GRM7: variants seen among roughly 807,000 people sequenced by gnomAD.
GRM7 encodes metabotropic glutamate receptor 7.
Under a neutral mutation model 84.5 loss-of-function variants are expected in GRM7, and 35 were observed. The ratio of observed to expected loss-of-function variants is 0.41; its 90% CI spans 0.32 to 0.55. The LOEUF (loss-of-function observed/expected upper bound fraction) is 0.55. Ranked by LOEUF, GRM7 falls within the 20% of genes least tolerant of loss-of-function variation. GRM7 has a pLI of 0.19. For synonymous variants in GRM7, 487 were observed against 455.1 expected (o/e 1.07, Z -0.89); for missense variants, 1,003 against 1,194.6 (o/e 0.84, Z 2.36).
Position 7,695,256 on chromosome 3 carries a change from A to ACAT in GRM7, c.2698+14962_2698+14964dup, listed in dbSNP as rs1419745268. Among the ~76,000 whole-genome samples, 9 of 152,262 alleles carry ACAT rather than the reference A, an allele frequency of 5.9e-5. No homozygotes were observed. The East Asian group carries it at 1.7e-3, about 29-fold the overall frequency. On this transcript the variant is annotated intron_variant, in intron 9 of 9. Transcript: ENST00000357716. ...TGAGCTCTGTTACTGGAGCAGAAAA[A>ACAT]CATAGCATCACCTTTGTTTAAAGCT...
At chr3:6,940,580 A>ATT (rs78289642) in intron 1 of GRM7, among the ~76,000 whole-genome samples, 53 of 152,140 alleles carry the variant, frequency 3.5e-4, no homozygotes, top group Non-Finnish European at 6.2e-4. Flanking sequence ...TTACAAGTTC[A>ATT]TTTTTTAAAA....
intron 1 of GRM7, among the ~76,000 whole-genome samples, chr3:6,891,710 G>C (rs368844195): frequency 1.3e-5 from 2 of 152,168 alleles, no homozygotes; most frequent in East Asian, 1.9e-4. Context: ...AATTATGTGT[G>C]TTGGAGTTGC....
intron 7 of GRM7, among the ~76,000 whole-genome samples, chr3:7,505,854 C>T (rs1700024861): frequency 6.6e-6 from 1 of 152,166 alleles, no homozygotes; most frequent in African/African-American, 2.4e-5. Flanking sequence ...AAAATGTCTT[C>T]CAAGTTTTTC....
At chr3:7,311,219 T>C (rs1019680235) in intron 4 of GRM7, among the ~76,000 whole-genome samples, 1 of 152,120 alleles carries the variant, frequency 6.6e-6, no homozygotes, top group Non-Finnish European at 1.5e-5. Flanking sequence ...AGAAATCTAA[T>C]TGAGAATTGA....
chr3:7,447,794 A>C (rs2124883194), intron 5 of GRM7, among the ~76,000 whole-genome samples: 1 of 151,610 alleles, frequency 6.6e-6, no homozygotes. Context: ...ACATGTGCAT[A>C]ATGTGCAGGT....
intron 2 of GRM7, among the ~76,000 whole-genome samples, chr3:7,232,311 C>T (rs1258707425): frequency 1.3e-5 from 2 of 151,802 alleles, no homozygotes; most frequent in African/African-American, 4.8e-5. Flanking sequence ...TATAGATTAA[C>T]TTTTGACAAA....
intron 1 of GRM7, among the ~76,000 whole-genome samples, chr3:6,998,119 C>CAAAAAAAAAAAAAAAAAAA (rs3063449): frequency 0.08 from 1,479 of 18,406 alleles, 682 homozygotes; most frequent in South Asian, 0.11. Context: ...ATCTCCATCT[C>CAAAAAAAAAAAAAAAAAAA]AAAAAAAAAA....
intron 2 of GRM7, among the ~76,000 whole-genome samples, chr3:7,247,780 A>G (rs953914704): frequency 2.0e-5 from 3 of 152,144 alleles, no homozygotes; most frequent in Admixed American, 1.3e-4. Flanking sequence ...AAAAATAAAA[A>G]CACAATTCAG....
At chr3:7,557,961 C>T (rs1436268687) in intron 7 of GRM7, among the ~76,000 whole-genome samples, 5 of 152,170 alleles carry the variant, frequency 3.3e-5, no homozygotes, top group African/African-American at 1.2e-4. Flanking sequence ...TCCTGTCTCT[C>T]CTCAAGAGAG....
In GRM7 at chr3:7,062,230, G is replaced by A. The variant is rs986396030; in HGVS notation, c.520-84222G>A. On this transcript the variant is annotated intron_variant, in intron 1 of 9. Coordinates refer to ENST00000357716, the MANE Select transcript of GRM7 (RefSeq NM_000844.4). ...GATCATAGGAGATGAAAGGAGAGAC[G>A]AATGGGAGTAAGGAGATGAGTAGTG... is the stretch of plus-strand genomic sequence containing the variant. 5.3e-5 allele frequency among the ~76,000 whole-genome samples: 8 copies of A among 151,802 alleles called. No homozygotes were observed. In the East Asian group the frequency reaches 7.8e-4, roughly 15 times the overall value.
intron 7 of GRM7, among the ~76,000 whole-genome samples, chr3:7,484,844 A>T (rs2124942118): frequency 6.6e-6 from 1 of 152,306 alleles, no homozygotes; most frequent in East Asian, 1.9e-4. Context: ...TTCTTAACAA[A>T]TGAAATAGAC....
intron 1 of GRM7, among the ~76,000 whole-genome samples, chr3:7,001,387 T>C (rs1321235761): frequency 6.6e-6 from 1 of 152,152 alleles, no homozygotes; most frequent in East Asian, 1.9e-4. Context: ...GGCTATCTGT[T>C]TGTGCACGTG....
intron 8 of GRM7, among the ~76,000 whole-genome samples, chr3:7,598,338 G>A (rs186782071): frequency 1.1e-4 from 17 of 152,254 alleles, no homozygotes; most frequent in Middle Eastern, 6.8e-3. Flanking sequence ...CCTGGGGGAG[G>A]TTGAGGAGCA....
At chr3:7,348,889 G>T (rs1469305131) in intron 4 of GRM7, among the ~76,000 whole-genome samples, 1 of 152,186 alleles carries the variant, frequency 6.6e-6, no homozygotes, top group Admixed American at 6.6e-5. Context: ...AATTCAAAGA[G>T]AACATGAATA....
intron 2 of GRM7, among the ~76,000 whole-genome samples, chr3:7,293,751 G>A (rs1699719096): frequency 6.6e-6 from 1 of 152,082 alleles, no homozygotes. Context: ...TCCATTTTTT[G>A]CTGGTAGGTA....
intron 1 of GRM7, among the ~76,000 whole-genome samples, chr3:7,101,965 A>G (rs1699124387): frequency 6.6e-6 from 1 of 151,506 alleles, no homozygotes; most frequent in East Asian, 1.9e-4. Context: ...GCAAAATTAT[A>G]AATTCATTTA....
At chr3:7,174,641 A>C (rs532706805) in intron 2 of GRM7, among the ~76,000 whole-genome samples, 1 of 152,316 alleles carries the variant, frequency 6.6e-6, no homozygotes, top group East Asian at 1.9e-4. Flanking sequence ...TTGTTCTACA[A>C]TCACCCTAAA....
chr3:7,495,102 T>G (rs894046439), intron 7 of GRM7, among the ~76,000 whole-genome samples: 11 of 152,170 alleles, frequency 7.2e-5, no homozygotes, highest in Admixed American at 7.2e-4. Context: ...CTGTTAAAAT[T>G]TGGCATGTGG....
intron 1 of GRM7, among the ~76,000 whole-genome samples, chr3:6,966,748 A>T (rs1399095059): frequency 3.3e-5 from 5 of 152,200 alleles, no homozygotes; most frequent in Non-Finnish European, 7.3e-5. Context: ...GCAATAAATG[A>T]CTAGTAAAAC....
Sources: gnomAD v4.1 joint callset for allele counts (sites outside exome capture counted in the v4.1 genomes callset) on GRCh38, gnomAD v4.1.1 for gene constraint, MANE v1.5 for transcripts, NCBI Gene and HGNC (gene_info 2026-07-23, HGNC 2026-07-21) for gene names.